Variants in EFCAB6 observed in about 807,000 individuals in gnomAD.
EFCAB6 encodes the protein EF-hand calcium binding domain 6.
A neutral mutation model predicts 169.8 loss-of-function variants in EFCAB6; 156 were observed. That is an observed-to-expected ratio of 0.92 (90% CI 0.81 to 1.05). The LOEUF is 1.05. Ranked by LOEUF, EFCAB6 falls within the 50% of genes least tolerant of loss-of-function variation. EFCAB6 has a pLI of 0.00. For missense variants in EFCAB6, 1,800 were observed against 1,829.1 expected, an observed-to-expected ratio of 0.98 and a Z score of 0.29; for synonymous variants, 698 against 676.4, an observed-to-expected ratio of 1.03 and a Z score of -0.50.
At chr22:43,666,271 C>A (rs1405759775) in intron 17 of EFCAB6, among the ~76,000 whole-genome samples, 2 of 152,246 alleles carry the variant, frequency 1.3e-5, no homozygotes, top group African/African-American at 2.4e-5. Context: ...CTACCTAATC[C>A]CATTTCTGTG....
intron 24 of EFCAB6, among the ~76,000 whole-genome samples, chr22:43,585,079 C>T (rs2050971233): frequency 6.6e-6 from 1 of 152,102 alleles, no homozygotes. Flanking sequence ...TGCATATAAA[C>T]AGTCAAGAAA....
intron 6 of EFCAB6, among the ~76,000 whole-genome samples, chr22:43,743,745 C>T (rs2060454372): frequency 6.6e-6 from 1 of 152,236 alleles, no homozygotes; most frequent in African/African-American, 2.4e-5. Flanking sequence ...CTTCACCCCT[C>T]ACCCTCCACA....
At chr22:43,696,225 A>C (rs929363649) in intron 10 of EFCAB6, among the ~76,000 whole-genome samples, 1 of 152,148 alleles carries the variant, frequency 6.6e-6, no homozygotes, top group Admixed American at 6.5e-5. Context: ...TTTCATCATC[A>C]GGAAAATGCA....
intron 5 of EFCAB6, among the ~76,000 whole-genome samples, chr22:43,761,832 T>A (rs1277603359): frequency 6.6e-6 from 1 of 152,114 alleles, no homozygotes; most frequent in African/African-American, 2.4e-5. Flanking sequence ...TGATTCTATT[T>A]GATATTACAT....
chr22:43,628,590 G>C lies in EFCAB6; in HGVS notation c.2233-1911C>G. On this transcript the variant is annotated intron_variant, in intron 19 of 31. Transcript: ENST00000262726. This position sits in a 1 kb window ranked among gnomAD's most constrained non-coding sequence, Gnocchi z 4.8. ...AGGCCTGGCCGTGGCCCACAAGCCT[G>C]TCTACACCCCCATCCCACCCGTCCC... is the stretch of plus-strand genomic sequence containing the variant. Among the ~76,000 whole-genome samples the C allele has an allele frequency of 6.6e-6, 1 of 152,098 alleles. No individual in the cohort carries two copies. The highest frequency in any genetic ancestry group is 1.9e-4 in the East Asian group (1 of 5,168).
intron 10 of EFCAB6, among the ~76,000 whole-genome samples, chr22:43,707,446 A>T (rs1259457764): frequency 1.3e-5 from 2 of 152,190 alleles, no homozygotes; most frequent in Admixed American, 6.5e-5. Context: ...GAGTGTGGGA[A>T]GGTTAAATAG....
At chr22:43,715,009 T>C (rs2059284178) in intron 9 of EFCAB6, among the ~76,000 whole-genome samples, 2 of 151,940 alleles carry the variant, frequency 1.3e-5, no homozygotes, top group Admixed American at 1.3e-4. Flanking sequence ...AGAGCAAAAA[T>C]GGTGAGGTGG....
intron 16 of EFCAB6, 134 bp downstream of exon 16, chr22:43,668,738 G>T: frequency 1.3e-6 from 1 of 794,016 alleles, no homozygotes; most frequent in Non-Finnish European, 1.8e-6. Flanking sequence ...TCTAATTACT[G>T]TCTTTCTAGT....
intron 20 of EFCAB6, among the ~76,000 whole-genome samples, chr22:43,622,619 A>G (rs934422811): frequency 1.3e-5 from 2 of 152,216 alleles, no homozygotes; most frequent in Non-Finnish European, 2.9e-5. Flanking sequence ...TGCAATTATT[A>G]TCTGGATCCA....
chr22:43,704,563 TAATTAGAATA>T (rs1339579807), intron 10 of EFCAB6, among the ~76,000 whole-genome samples: 1 of 152,190 alleles, frequency 6.6e-6, no homozygotes, highest in Non-Finnish European at 1.5e-5. Flanking sequence ...ATAACAACTA[TAATTAGAATA>T]AATTGTCAAG....
At chr22:43,587,221 G>A (rs2051135581) in intron 24 of EFCAB6, among the ~76,000 whole-genome samples, 1 of 152,138 alleles carries the variant, frequency 6.6e-6, no homozygotes, top group Non-Finnish European at 1.5e-5. Context: ...AAGACCTGGA[G>A]GTATATTCTC....
intron 17 of EFCAB6, among the ~76,000 whole-genome samples, chr22:43,647,200 T>A (rs1401403261): frequency 6.7e-4 from 22 of 33,030 alleles, no homozygotes; most frequent in South Asian, 1.1e-3. Flanking sequence ...GGGGTGGGGG[T>A]GGGGGATGAA....
In EFCAB6 at chr22:43,600,255, G is replaced by A; in HGVS notation, c.2690C>T (p.Thr897Ile). The A allele has an allele frequency of 6.2e-7, 1 of 1,613,806 alleles. No individual in the cohort carries two copies. Among genetic ancestry groups the A allele is most frequent in the Non-Finnish European group, 8.5e-7 (1 of 1,179,914 alleles). The change falls in exon 23 of 32, where the codon ACC (threonine) becomes ATC (isoleucine). Residue 897 changes from threonine to isoleucine, a missense_variant. Coordinates refer to ENST00000262726, the MANE Select transcript of EFCAB6 (RefSeq NM_022785.4). ...GTAAGTAATGTGCCCTTTTCCCTCG[G>A]TGTCGTATCTTAAAACAAAAACAAA... is the stretch of plus-strand genomic sequence containing the variant. Reference protein sequence around the residue: ...EFEKLWARYDTEGKGHITYQE... With the variant: ...EFEKLWARYDIEGKGHITYQE...
chr22:43,620,121 C>T (rs2054016165), intron 20 of EFCAB6, among the ~76,000 whole-genome samples: 1 of 152,048 alleles, frequency 6.6e-6, no homozygotes, highest in African/African-American at 2.4e-5. Context: ...AGTTCGAGAC[C>T]AGCATGGGCA....
chr22:43,627,204 T>G (rs1267814626), intron 19 of EFCAB6, among the ~76,000 whole-genome samples: 1 of 152,204 alleles, frequency 6.6e-6, no homozygotes, highest in East Asian at 1.9e-4. Flanking sequence ...ACTGAAGGAC[T>G]TCCACTCAGC....
intron 8 of EFCAB6, among the ~76,000 whole-genome samples, chr22:43,726,909 G>T (rs950666842): frequency 2.6e-5 from 4 of 152,126 alleles, no homozygotes; most frequent in Non-Finnish European, 5.9e-5. Context: ...GAACATAACA[G>T]AATGCATAGT....
intron 17 of EFCAB6, among the ~76,000 whole-genome samples, chr22:43,664,883 T>C (rs1480501243): frequency 6.6e-6 from 1 of 151,968 alleles, no homozygotes. Context: ...GACGATGAAC[T>C]GTGGCATGGC....
At chr22:43,556,024 C>T (rs1444279622) in intron 26 of EFCAB6, among the ~76,000 whole-genome samples, 1 of 152,206 alleles carries the variant, frequency 6.6e-6, no homozygotes, top group Non-Finnish European at 1.5e-5. Flanking sequence ...GAGGGAAGAG[C>T]CAGCAAGGGA....
chr22:43,681,221 T>C (rs1409918540), intron 12 of EFCAB6, among the ~76,000 whole-genome samples: 1 of 152,258 alleles, frequency 6.6e-6, no homozygotes, highest in Non-Finnish European at 1.5e-5. Flanking sequence ...GATAATCATG[T>C]AGTTCTGTTC....
Sources: allele counts gnomAD v4.1 joint callset (sites outside exome capture counted in the v4.1 genomes callset), GRCh38; gene constraint gnomAD v4.1.1; non-coding constraint Gnocchi (gnomAD v3.1); transcripts MANE v1.5; gene names NCBI Gene and HGNC (gene_info 2026-07-23, HGNC 2026-07-21).